The following ZNF385D variants were observed in gnomAD, a reference collection of about 807,000 sequenced individuals.
The protein encoded by ZNF385D is zinc finger protein 385D.
ZNF385D carries 15 observed loss-of-function variants against 35.8 expected under a neutral mutation model. The observed-to-expected ratio is 0.42, with a 90% CI of 0.28 to 0.64. ZNF385D has a LOEUF of 0.64. Among genes scored for constraint, ZNF385D ranks in the 30% least tolerant of loss-of-function variants. The probability of loss-of-function intolerance (pLI) is 0.23; values close to 1 mark genes in which losing one functional copy is unlikely to be tolerated. For synonymous variants in ZNF385D, 212 were observed against 186.8 expected, an observed-to-expected ratio of 1.13 and a Z score of -1.10; for missense variants, 474 against 494.6, an observed-to-expected ratio of 0.96 and a Z score of 0.39.
At chr3:22,281,950 C>A (rs891087552) in intron 2 of ZNF385D, among the ~76,000 whole-genome samples, 3 of 151,966 alleles carry the variant, frequency 2.0e-5, no homozygotes, top group African/African-American at 7.2e-5. Context: ...TTCAGAGTTT[C>A]TATTTCCTCT....
intron 3 of ZNF385D, among the ~76,000 whole-genome samples, chr3:21,784,301 C>T (rs1053727577): frequency 1.3e-5 from 2 of 152,224 alleles, no homozygotes; most frequent in South Asian, 2.1e-4. Flanking sequence ...TCAATGTGGG[C>T]CACTTATTTA....
intron 3 of ZNF385D, among the ~76,000 whole-genome samples, chr3:21,538,961 T>C (rs1207414139): frequency 6.6e-6 from 1 of 152,126 alleles, no homozygotes; most frequent in East Asian, 1.9e-4. Flanking sequence ...GTTTAAAAGT[T>C]CTGTTTCATG....
intron 3 of ZNF385D, among the ~76,000 whole-genome samples, chr3:22,147,785 T>C (rs1704955317): frequency 6.6e-6 from 1 of 152,174 alleles, no homozygotes. Context: ...CTACTACTCA[T>C]TGTCCCTAAT....
At chr3:21,498,945 C>CAAAAAAAAAAAAAAAAAAAAAAAAAA (rs35511402) in intron 4 of ZNF385D, among the ~76,000 whole-genome samples, 1 of 64,264 alleles carries the variant, frequency 1.6e-5, no homozygotes. Context: ...GACTCCATCT[C>CAAAAAAAAAAAAAAAAAAAAAAAAAA]AAAAAAAAAA....
intron 3 of ZNF385D, among the ~76,000 whole-genome samples, chr3:22,005,083 A>AAAAAAAAAAAAC (rs1553717904): frequency 8.5e-6 from 1 of 117,312 alleles, no homozygotes. Context: ...AAAAAAAAAA[A>AAAAAAAAAAAAC]AGGCAGAAAA....
intron 1 of ZNF385D, among the ~76,000 whole-genome samples, chr3:21,693,695 T>C (rs1429001486): frequency 1.3e-5 from 2 of 152,174 alleles, no homozygotes; most frequent in Non-Finnish European, 2.9e-5. Context: ...ATCATCTCCC[T>C]ATTGACTATT....
rs529597830 is a variant in ZNF385D, at chr3:21,731,188, G to A, written c.22+19707C>T. ...CTTCCCACACCTAATACTTAAACAT[G>A]TGTTCAATTCTTAAACATTTACCAA... On this transcript the variant is annotated intron_variant, in intron 1 of 7. Transcript: ENST00000281523. 2.0e-5 allele frequency among the ~76,000 whole-genome samples: 3 copies of A among 152,208 alleles called. No homozygotes were observed. In the East Asian group the frequency reaches 5.8e-4, roughly 29 times the overall value.
intron 3 of ZNF385D, among the ~76,000 whole-genome samples, chr3:22,041,895 T>C (rs888464398): frequency 6.6e-6 from 1 of 152,072 alleles, no homozygotes; most frequent in Non-Finnish European, 1.5e-5. Flanking sequence ...TGTTCTAATA[T>C]TGAAGAAAGA....
At chr3:22,009,634 T>A (rs75848062) in intron 3 of ZNF385D, among the ~76,000 whole-genome samples, 17,596 of 132,316 alleles carry the variant, frequency 0.13, 1,472 homozygotes, top group South Asian at 0.31. Flanking sequence ...AAAAAAAAAA[T>A]AAAAAAAAAA....
intron 2 of ZNF385D, among the ~76,000 whole-genome samples, chr3:21,585,186 GGATTATTGTTGCTCATATTT>G (rs1417863341): frequency 6.6e-6 from 1 of 152,130 alleles, no homozygotes; most frequent in African/African-American, 2.4e-5. Flanking sequence ...TGCAGGTAAA[GGATTATTGTTGCTCATATTT>G]GACCATAAAA....
intron 3 of ZNF385D, among the ~76,000 whole-genome samples, chr3:21,830,365 G>A (rs900658394): frequency 2.0e-5 from 3 of 152,146 alleles, no homozygotes; most frequent in African/African-American, 7.2e-5. Context: ...ACATTGATCT[G>A]TTATGTTACC....
chr3:21,692,600 A>AT (rs978800299), intron 1 of ZNF385D, among the ~76,000 whole-genome samples: 6 of 152,258 alleles, frequency 3.9e-5, no homozygotes, highest in African/African-American at 1.4e-4. Flanking sequence ...GCGCCAGTGT[A>AT]TTTTTCCAGC....
upstream of ZNF385D, among the ~76,000 whole-genome samples, chr3:21,754,094 G>A (rs1247817455): frequency 6.6e-6 from 1 of 152,108 alleles, no homozygotes; most frequent in Admixed American, 6.5e-5. Context: ...ATCCACTAGT[G>A]GAAACCTTGC....
chr3:21,431,194 A>G (rs185835623), intron 5 of ZNF385D: 1 of 152,310 alleles, frequency 6.6e-6, no homozygotes, highest in East Asian at 1.9e-4. Flanking sequence ...ACCTCATTTA[A>G]CAAGAATAGT....
chr3:21,738,117 T>A (rs2069335468), intron 1 of ZNF385D, among the ~76,000 whole-genome samples: 1 of 152,240 alleles, frequency 6.6e-6, no homozygotes, highest in South Asian at 2.1e-4. Flanking sequence ...AGGGGGCTGC[T>A]TGGCTTGTAC....
chr3:22,321,164 G>GTTTTTTTTTTTTTTT, intron 2 of ZNF385D, among the ~76,000 whole-genome samples: 27 of 76,134 alleles, frequency 3.5e-4, no homozygotes, highest in Admixed American at 8.6e-4. Flanking sequence ...TTATGACCTT[G>GTTTTTTTTTTTTTTT]TTTTTTTTTT....
At chr3:21,772,815 C>A (rs1575623745) in intron 3 of ZNF385D, among the ~76,000 whole-genome samples, 1 of 151,910 alleles carries the variant, frequency 6.6e-6, no homozygotes, top group East Asian at 1.9e-4. Flanking sequence ...CAAGTGTCCA[C>A]TGACAGATGA....
At chr3:21,734,916 G>C (rs1306046686) in intron 1 of ZNF385D, among the ~76,000 whole-genome samples, 1 of 150,356 alleles carries the variant, frequency 6.7e-6, no homozygotes, top group African/African-American at 2.4e-5. Flanking sequence ...GATGCACACT[G>C]CTGACAGTGA....
rs753762800 is a variant in ZNF385D, at chr3:21,583,729, TAC to T, written c.166-19047_166-19046del. 8.1e-4 allele frequency among the ~76,000 whole-genome samples: 123 copies of T among 151,546 alleles called. 1 individual carries two copies. The highest frequency in any genetic ancestry group is 7.0e-3 in the Admixed American group (106 of 15,224). On this transcript the variant is annotated intron_variant, in intron 2 of 7. Transcript: ENST00000281523. ...TAAATATTGTATTGTTATGTTACTCTACAGTTATTTTTATTCATTCAATATAA... is the reference window on the plus strand; with the variant it reads ...TAAATATTGTATTGTTATGTTACTCTAGTTATTTTTATTCATTCAATATAA...
Sources: gnomAD v4.1 joint callset for allele counts (sites outside exome capture counted in the v4.1 genomes callset) on GRCh38, gnomAD v4.1.1 for gene constraint, MANE v1.5 for transcripts, NCBI Gene and HGNC (gene_info 2026-07-23, HGNC 2026-07-21) for gene names.